BANP: variants seen among roughly 807,000 people sequenced by gnomAD.
BANP encodes the protein BTG3 associated nuclear protein.
Under a neutral mutation model 68.1 loss-of-function variants are expected in BANP, and 11 were observed. The observed-to-expected ratio is 0.16, with a 90% CI of 0.10 to 0.27. The LOEUF is 0.27. BANP is among the 10% of genes least tolerant of loss of function. The pLI is 1.00. For synonymous variants in BANP, 329 were observed against 303.2 expected (o/e 1.09, Z -0.88); for missense variants, 504 against 722.7 (o/e 0.70, Z 3.47).
intron 4 of BANP, among the ~76,000 whole-genome samples, chr16:87,990,773 TG>T (rs2065694741): frequency 6.6e-6 from 1 of 152,202 alleles, no homozygotes; most frequent in Non-Finnish European, 1.5e-5. Context: ...TGTTTTGTTT[TG>T]TTTTTTGAGA....
intron 12 of BANP, among the ~76,000 whole-genome samples, chr16:88,065,693 C>G (rs1369909486): frequency 6.6e-6 from 1 of 152,196 alleles, no homozygotes; most frequent in Non-Finnish European, 1.5e-5. Context: ...TTCCCTCAGG[C>G]TGAACTGGTC....
intron 3 of BANP, among the ~76,000 whole-genome samples, chr16:87,983,526 C>T (rs368937875): frequency 1.1e-4 from 16 of 152,226 alleles, no homozygotes; most frequent in Non-Finnish European, 2.2e-4. Flanking sequence ...ACGTGGAGCC[C>T]GGCTTTGCCA....
intron 11 of BANP, among the ~76,000 whole-genome samples, chr16:88,047,626 G>C (rs946364642): frequency 6.6e-6 from 1 of 152,134 alleles, no homozygotes; most frequent in South Asian, 2.1e-4. Flanking sequence ...AATTCAGGGC[G>C]CCGGGCCTCA....
At chr16:88,065,058 G>C (rs2088127667) in intron 11 of BANP, among the ~76,000 whole-genome samples, 1 of 152,188 alleles carries the variant, frequency 6.6e-6, no homozygotes. Context: ...TGTTTCTGTT[G>C]TTTTTGCTGT....
chr16:88,012,525 G>A (rs367736905), intron 6 of BANP, among the ~76,000 whole-genome samples: 1 of 152,162 alleles, frequency 6.6e-6, no homozygotes, highest in Non-Finnish European at 1.5e-5. Flanking sequence ...GACTCGCAAA[G>A]GATGGCCTTC....
In BANP at chr16:88,004,188, G is replaced by A. The variant is rs1317788704; in HGVS notation, c.363-107G>A. 1 of 745,086 alleles carries A rather than the reference G, an allele frequency of 1.3e-6. No homozygotes were observed. Among genetic ancestry groups the A allele is most frequent in the Non-Finnish European group, 2.3e-6 (1 of 425,816 alleles). The allele number at this position is 745,086 out of a possible 1,614,324, so 46.2% of individuals were successfully genotyped here. ...GAATGACTCTTAGGCCTCCCCCTCA[G>A]TGCGGGTCCCTGGGAGTGGACTGTG... On this transcript the variant is annotated intron_variant, in intron 4 of 13. Coordinates refer to ENST00000682872, the MANE Select transcript of BANP (RefSeq NM_001386991.1). The surrounding 1 kb of genome is among the most constrained non-coding windows in gnomAD (Gnocchi z 7.0).
At chr16:88,021,476 C>T (rs2076014073) in intron 7 of BANP, among the ~76,000 whole-genome samples, 1 of 152,160 alleles carries the variant, frequency 6.6e-6, no homozygotes, top group South Asian at 2.1e-4. Flanking sequence ...GTCCACAGGG[C>T]CGTGTGGAGG....
intron 2 of BANP, 29 bp from the exon 3 acceptor site, chr16:87,981,007 A>C (rs2063153494): frequency 6.6e-6 from 10 of 1,505,820 alleles, no homozygotes; most frequent in Non-Finnish European, 9.2e-6. Context: ...TTCATGTTAA[A>C]CATTTTTTTT....
At chr16:88,068,325 G>T (rs893704133) in intron 12 of BANP, among the ~76,000 whole-genome samples, 1 of 152,252 alleles carries the variant, frequency 6.6e-6, no homozygotes, top group East Asian at 1.9e-4. Flanking sequence ...CTGTGCTGTC[G>T]TGGAGTGCAG....
At chr16:88,020,731 G>A (rs866733449) in intron 7 of BANP, among the ~76,000 whole-genome samples, 1 of 152,220 alleles carries the variant, frequency 6.6e-6, no homozygotes, top group Non-Finnish European at 1.5e-5. Context: ...GCTCCTCGGG[G>A]GAGAAGACAG....
At chr16:87,974,503 G>A (rs11117329) in intron 1 of BANP, among the ~76,000 whole-genome samples, 51,654 of 152,070 alleles carry the variant, frequency 0.34, 10,208 homozygotes, top group Non-Finnish European at 0.47. Context: ...CTGCCACTCC[G>A]CCGGGCCTGT....
intron 8 of BANP, among the ~76,000 whole-genome samples, chr16:88,030,369 A>G (rs566786291): frequency 2.6e-5 from 4 of 152,360 alleles, no homozygotes; most frequent in Admixed American, 2.6e-4. Context: ...TAGAAGACAT[A>G]AAAAAGAACC....
At chr16:88,058,216 T>C (rs185022152) in intron 11 of BANP, among the ~76,000 whole-genome samples, 6 of 152,312 alleles carry the variant, frequency 3.9e-5, no homozygotes, top group Admixed American at 2.6e-4. Context: ...CTTTTGTTTT[T>C]TGACTCACTG....
At chr16:88,006,505 G>A (rs560086774) in intron 6 of BANP, among the ~76,000 whole-genome samples, 25 of 151,828 alleles carry the variant, frequency 1.6e-4, no homozygotes, top group Non-Finnish European at 3.1e-4. Flanking sequence ...AATTAGCCGG[G>A]TGTGGTGGCA....
chr16:88,032,572 AT>A (rs1321074317), intron 8 of BANP, among the ~76,000 whole-genome samples: 2 of 152,250 alleles, frequency 1.3e-5, no homozygotes, highest in East Asian at 3.8e-4. Flanking sequence ...ACGTGTATAC[AT>A]TGAAAATTAA....
intron 7 of BANP, among the ~76,000 whole-genome samples, chr16:88,021,361 G>A (rs1002944040): frequency 3.3e-5 from 5 of 152,150 alleles, no homozygotes; most frequent in African/African-American, 1.2e-4. Context: ...CACAGTGCCC[G>A]GCCCCTTGGA....
At chr16:88,056,645 C>T (rs979917799) in intron 11 of BANP, among the ~76,000 whole-genome samples, 1 of 152,216 alleles carries the variant, frequency 6.6e-6, no homozygotes, top group African/African-American at 2.4e-5. Context: ...CTGGCCCCTG[C>T]ACTCCTGGCC....
At chr16:88,048,092 C>T (rs1018947205) in intron 11 of BANP, among the ~76,000 whole-genome samples, 3 of 152,120 alleles carry the variant, frequency 2.0e-5, no homozygotes, top group Admixed American at 1.3e-4. Context: ...CGCAGCTGGC[C>T]GTGACTTTGT....
intron 3 of BANP, among the ~76,000 whole-genome samples, chr16:87,982,428 C>G (rs2063454725): frequency 6.6e-6 from 1 of 152,196 alleles, no homozygotes; most frequent in South Asian, 2.1e-4. Flanking sequence ...AATTTGAGAG[C>G]CAAACATTTG....
Sources: gnomAD v4.1 joint callset for allele counts (sites outside exome capture counted in the v4.1 genomes callset) on GRCh38, gnomAD v4.1.1 for gene constraint, Gnocchi (gnomAD v3.1) non-coding constraint, MANE v1.5 for transcripts, NCBI Gene and HGNC (gene_info 2026-07-23, HGNC 2026-07-21) for gene names.